TNRC18: variants seen among roughly 807,000 people sequenced by gnomAD.
TNRC18 encodes the protein trinucleotide repeat-containing gene 18 protein.
Under a neutral mutation model 226.7 loss-of-function variants are expected in TNRC18, and 69 were observed. That is an observed-to-expected ratio of 0.30 (90% CI 0.25 to 0.37). The LOEUF (loss-of-function observed/expected upper bound fraction) is 0.37, where lower values mean the gene tolerates loss of function less well. Among genes scored for constraint, TNRC18 ranks in the 10% least tolerant of loss-of-function variants. The pLI is 1.00. For synonymous variants in TNRC18, 2,449 were observed against 1,927.6 expected (o/e 1.27, Z -7.09); for missense variants, 4,754 against 4,256.6 (o/e 1.12, Z -3.25).
chr7:5,401,469 T>C (rs532928356), intron 2 of TNRC18, among the ~76,000 whole-genome samples: 3 of 152,298 alleles, frequency 2.0e-5, no homozygotes, highest in South Asian at 2.1e-4. Context: ...CCTGTCCTTT[T>C]TCACATTGCA....
rs995393402 is a variant in TNRC18, at chr7:5,307,132, TGGGAGGCCG to T, written c.*965_*973del. 3.3e-5 allele frequency: 5 copies of T among 150,654 alleles called. No individual in the cohort carries two copies. The highest frequency in any genetic ancestry group is 7.4e-5 in the Non-Finnish European group (5 of 67,782). The allele number at this position is 150,654 out of a possible 1,614,324, so 9.3% of individuals were successfully genotyped here. ...GGTGGGCGGGGGGTGTGCTGGGGAC[TGGGAGGCCG>T]GTGAAGCCGGTGCTAGACACTATAA... On this transcript the variant is annotated 3_prime_UTR_variant, in exon 30 of 30. Transcript: ENST00000430969.
At chr7:5,397,220 G>A (rs1005042611) in intron 2 of TNRC18, among the ~76,000 whole-genome samples, 2 of 152,184 alleles carry the variant, frequency 1.3e-5, no homozygotes, top group Non-Finnish European at 2.9e-5. Flanking sequence ...AAGCCCTGCT[G>A]AGCCCCGGGC....
chr7:5,355,047 C>T (rs951749150), intron 16 of TNRC18, among the ~76,000 whole-genome samples: 2 of 152,224 alleles, frequency 1.3e-5, no homozygotes, highest in African/African-American at 2.4e-5. Context: ...TCCACCCGCC[C>T]CAGGGCCTGG....
At chr7:5,308,498 AG>A (rs1786822266) in intron 29 of TNRC18, among the ~76,000 whole-genome samples, 186 bp from the exon 30 acceptor site, 1 of 152,098 alleles carries the variant, frequency 6.6e-6, no homozygotes. Context: ...AGAGATGGAG[AG>A]CAAATGAGAG....
At chr7:5,381,544 C>T (rs975492316) in intron 5 of TNRC18, among the ~76,000 whole-genome samples, 13 of 152,274 alleles carry the variant, frequency 8.5e-5, no homozygotes, top group African/African-American at 2.2e-4. Flanking sequence ...TGATCATTCA[C>T]TGTCTGTGTC....
intron 16 of TNRC18, among the ~76,000 whole-genome samples, chr7:5,353,098 G>A (rs1200349104): frequency 6.6e-6 from 1 of 152,148 alleles, no homozygotes; most frequent in African/African-American, 2.4e-5. Context: ...GTGGGACAAG[G>A]GTCCAGCCCC....
intron 12 of TNRC18, 107 bp from the exon 13 acceptor site, chr7:5,362,140 C>T: frequency 5.0e-6 from 7 of 1,394,234 alleles, no homozygotes; most frequent in Non-Finnish European, 6.8e-6. Context: ...GCACTGGGAG[C>T]TGGGGCTCGA....
rs998310870 is a variant in TNRC18, at chr7:5,307,654, G to A, written c.*452C>T. 2 of 386,430 alleles carry A rather than the reference G, an allele frequency of 5.2e-6. No individual in the cohort carries two copies. The highest frequency in any genetic ancestry group is 2.1e-5 in the African/African-American group (1 of 47,776). 23.9% of individuals were successfully genotyped at this position (386,430 alleles called of 1,614,324 possible). On this transcript the variant is annotated 3_prime_UTR_variant, in exon 30 of 30. Transcript: ENST00000430969. The stretch of plus-strand genomic sequence containing the variant: ...TCCCATGCACGGTGGGAGGCCTTGG[G>A]GTGGGCTCCATGCTAAGGGTGCTTG...
intron 2 of TNRC18, among the ~76,000 whole-genome samples, chr7:5,419,030 C>G (rs2128224144): frequency 6.6e-6 from 1 of 152,348 alleles, no homozygotes; most frequent in African/African-American, 2.4e-5. Flanking sequence ...GCTGTTTCCT[C>G]CCCGACCTCA....
intron 27 of TNRC18, among the ~76,000 whole-genome samples, chr7:5,311,518 C>A (rs1356311892): frequency 6.6e-6 from 1 of 152,188 alleles, no homozygotes. Context: ...TGGGAACACT[C>A]AAATGCCACA....
At chr7:5,417,659 A>G (rs1464740571) in intron 2 of TNRC18, among the ~76,000 whole-genome samples, 3 of 152,180 alleles carry the variant, frequency 2.0e-5, no homozygotes, top group Non-Finnish European at 4.4e-5. Context: ...TGCTGAGTAA[A>G]TGAGCAAGTG....
At chr7:5,380,237 G>C (rs371345378) in intron 5 of TNRC18, among the ~76,000 whole-genome samples, 6 of 152,202 alleles carry the variant, frequency 3.9e-5, no homozygotes, top group East Asian at 1.9e-4. Flanking sequence ...CTGGAGCCCA[G>C]GAGTTTGAGA....
Position 5,320,685 on chromosome 7 carries a change from G to A in TNRC18, c.6561-78C>T, listed in dbSNP as rs1788260879. The A allele has an allele frequency of 5.5e-6, 7 of 1,263,826 alleles. No individual in the cohort carries two copies. The South Asian group carries it at 6.6e-5, about 12-fold the overall frequency. 78.3% of individuals were successfully genotyped at this position (1,263,826 alleles called of 1,614,324 possible). On this transcript the variant is annotated intron_variant, in intron 22 of 29. Coordinates refer to ENST00000430969, the MANE Select transcript of TNRC18 (RefSeq NM_001080495.3). Reference sequence around the variant, plus strand: ...GCCTCAATCCCACCAGCACAGCACTGCCTCCTAGACCACTGGGAGGTAACA... The same window carrying A: ...GCCTCAATCCCACCAGCACAGCACTACCTCCTAGACCACTGGGAGGTAACA...
chr7:5,371,679 G>A (rs1794170714), intron 10 of TNRC18, among the ~76,000 whole-genome samples: 1 of 152,170 alleles, frequency 6.6e-6, no homozygotes, highest in Non-Finnish European at 1.5e-5. Context: ...ACTTCATGAG[G>A]TCTGCAAAGG....
intron 19 of TNRC18, chr7:5,329,912 T>C: frequency 4.2e-6 from 2 of 471,042 alleles, no homozygotes; most frequent in African/African-American, 2.0e-5. Context: ...AGCTATTATA[T>C]CCAGCTATAA....
rs1208440627 is a variant in TNRC18 at position 5,394,146 on chromosome 7, C to T, written c.343+294G>A. Among the ~76,000 whole-genome samples, 1 of 152,084 alleles carries T rather than the reference C, an allele frequency of 6.6e-6. No individual in the cohort carries two copies. Among genetic ancestry groups the T allele is most frequent in the Non-Finnish European group, 1.5e-5 (1 of 68,034 alleles). ...TGATGAGATAATCTGTCGTCACAAG[C>T]AAGTGATGGAAGTGGGTGCGGAAGA... On this transcript the variant is annotated intron_variant, in intron 3 of 29. Transcript: ENST00000430969. This position sits in a 1 kb window ranked among gnomAD's most constrained non-coding sequence, Gnocchi z 4.5.
At chr7:5,387,538 T>C in intron 5 of TNRC18, 134 bp downstream of exon 5, 2 of 1,306,334 alleles carry the variant, frequency 1.5e-6, no homozygotes, top group Admixed American at 4.9e-5. Context: ...CAACAGAACA[T>C]TCAAGACCAT....
Position 5,390,595 on chromosome 7 carries a change from G to C in TNRC18, c.377C>G (p.Ser126Cys). Residue 126 changes from serine (S) to cysteine (C), a missense_variant, in exon 4 of 30, where the codon TCC becomes TGC. Physicochemically the swap from Ser to Cys is moderately radical, Grantham distance 112. Coordinates refer to ENST00000430969, the MANE Select transcript of TNRC18 (RefSeq NM_001080495.3). Reference sequence around the variant, plus strand: ...CTCCAGGTGGTTCAGGTGGAGGTAGGATGGGTACAGCCCACTGGGCAGGTG... The same window carrying C: ...CTCCAGGTGGTTCAGGTGGAGGTAGCATGGGTACAGCCCACTGGGCAGGTG... ...FSHLPSGLYPSYLHLNHLEPP... is the reference protein window; with the variant it reads ...FSHLPSGLYPCYLHLNHLEPP... The C allele has an allele frequency of 6.2e-7, 1 of 1,611,130 alleles. No homozygotes were observed. Among genetic ancestry groups the C allele is most frequent in the Non-Finnish European group, 8.5e-7 (1 of 1,178,716 alleles).
chr7:5,331,938 A>T (rs1290143655), intron 19 of TNRC18, among the ~76,000 whole-genome samples: 2 of 152,098 alleles, frequency 1.3e-5, no homozygotes, highest in East Asian at 3.9e-4. Flanking sequence ...AATTTTAAGT[A>T]CGGTATTTAC....
Sources: allele counts gnomAD v4.1 joint callset (sites outside exome capture counted in the v4.1 genomes callset), GRCh38; gene constraint gnomAD v4.1.1; non-coding constraint Gnocchi (gnomAD v3.1); transcripts MANE v1.5; gene names NCBI Gene and HGNC (gene_info 2026-07-23, HGNC 2026-07-21).